The following SNTG1 variants were observed in gnomAD, a reference collection of about 807,000 sequenced individuals.
SNTG1 encodes the protein syntrophin gamma 1, also known as gamma-1-syntrophin.
A neutral mutation model predicts 74.7 loss-of-function variants in SNTG1; 39 were observed. That is an observed-to-expected ratio of 0.52 (90% CI 0.40 to 0.68). SNTG1 has a LOEUF of 0.68. SNTG1 is among the 30% of genes least tolerant of loss of function. The probability of loss-of-function intolerance (pLI) is 0.00; values close to 1 mark genes in which losing one functional copy is unlikely to be tolerated. For synonymous variants in SNTG1, 254 were observed against 217.1 expected, an observed-to-expected ratio of 1.17 and a Z score of -1.49; for missense variants, 685 against 609.5, an observed-to-expected ratio of 1.12 and a Z score of -1.30.
intron 10 of SNTG1, 75 bp from the exon 11 acceptor site, chr8:50,536,603 A>T (rs1018026810): frequency 2.0e-6 from 3 of 1,533,302 alleles, no homozygotes; most frequent in Non-Finnish European, 2.7e-6. Flanking sequence ...TATCCCCCAG[A>T]TAAAAGGGGT....
At chr8:50,265,173 C>T (rs1221094313) in intron 2 of SNTG1, among the ~76,000 whole-genome samples, 1 of 151,954 alleles carries the variant, frequency 6.6e-6, no homozygotes, top group Non-Finnish European at 1.5e-5. Context: ...AAAAAGACAA[C>T]ACAAAGAAAT....
intron 2 of SNTG1, among the ~76,000 whole-genome samples, chr8:50,337,276 C>G (rs146715469): frequency 1.3e-5 from 2 of 152,296 alleles, no homozygotes; most frequent in Non-Finnish European, 2.9e-5. Context: ...TTACTAGGAG[C>G]AGAAACCATC....
At chr8:50,636,821 T>C (rs1049811915) in intron 13 of SNTG1, among the ~76,000 whole-genome samples, 4 of 152,214 alleles carry the variant, frequency 2.6e-5, no homozygotes, top group Admixed American at 6.5e-5. Context: ...GGGCAATCAA[T>C]GGAAGCTGCT....
chr8:50,725,076 T>G (rs890491929), intron 17 of SNTG1, among the ~76,000 whole-genome samples: 1 of 152,172 alleles, frequency 6.6e-6, no homozygotes, highest in African/African-American at 2.4e-5. Context: ...ATGAGTATAT[T>G]TCATTTATAT....
At chr8:50,313,120 A>G (rs1406920731) in intron 2 of SNTG1, among the ~76,000 whole-genome samples, 1 of 149,962 alleles carries the variant, frequency 6.7e-6, no homozygotes, top group Non-Finnish European at 1.5e-5. Flanking sequence ...CTGCAAAAGA[A>G]TGGCACTGGA....
intron 2 of SNTG1, among the ~76,000 whole-genome samples, chr8:50,292,203 G>A (rs2089150121): frequency 6.6e-6 from 1 of 152,234 alleles, no homozygotes; most frequent in African/African-American, 2.4e-5. Flanking sequence ...TGCAGAGGGA[G>A]GAAACAAGCC....
chr8:50,282,350 G>A (rs1349767722), intron 2 of SNTG1, among the ~76,000 whole-genome samples: 3 of 149,012 alleles, frequency 2.0e-5, no homozygotes, highest in African/African-American at 2.4e-5. Context: ...CCCCTCTCAC[G>A]TTTATTCTCC....
chr8:50,618,581 AAGCTT>A (rs1174006781), intron 13 of SNTG1, among the ~76,000 whole-genome samples: 3 of 152,210 alleles, frequency 2.0e-5, no homozygotes, highest in African/African-American at 4.8e-5. Context: ...CTGAAAAACT[AAGCTT>A]GTTTCACAAG....
intron 1 of SNTG1, among the ~76,000 whole-genome samples, chr8:49,985,220 G>A (rs1813044313): frequency 6.6e-6 from 1 of 152,016 alleles, no homozygotes; most frequent in South Asian, 2.1e-4. Flanking sequence ...CGCCCAGGCT[G>A]GAGTGTAGTG....
intron 2 of SNTG1, among the ~76,000 whole-genome samples, chr8:50,240,066 G>C (rs2086100597): frequency 6.6e-6 from 1 of 152,170 alleles, no homozygotes; most frequent in South Asian, 2.1e-4. Context: ...TAATGCTAAA[G>C]ATATTGGGGT....
intron 1 of SNTG1, among the ~76,000 whole-genome samples, chr8:50,094,906 C>T (rs933644788): frequency 6.6e-6 from 1 of 152,124 alleles, no homozygotes; most frequent in South Asian, 2.1e-4. Context: ...TGGAATCAGC[C>T]TATCTGCCCA....
chr8:50,099,000 A>C (rs2131215472), intron 1 of SNTG1, among the ~76,000 whole-genome samples: 1 of 152,234 alleles, frequency 6.6e-6, no homozygotes, highest in East Asian at 1.9e-4. Context: ...ATCCATCTAG[A>C]GGTTACAGAA....
At chr8:49,939,328 C>T (rs1196715487) in intron 1 of SNTG1, among the ~76,000 whole-genome samples, 8 of 151,900 alleles carry the variant, frequency 5.3e-5, no homozygotes, top group Non-Finnish European at 1.0e-4. Flanking sequence ...AACCATTAGG[C>T]CCTCATCTAT....
At chr8:50,186,543 T>A (rs1441539442) in intron 2 of SNTG1, among the ~76,000 whole-genome samples, 1 of 152,122 alleles carries the variant, frequency 6.6e-6, no homozygotes, top group African/African-American at 2.4e-5. Flanking sequence ...ATATTGTTTC[T>A]TGACTTTTTA....
chr8:50,280,234 T>C (rs2088362559), intron 2 of SNTG1, among the ~76,000 whole-genome samples: 1 of 152,360 alleles, frequency 6.6e-6, no homozygotes, highest in South Asian at 2.1e-4. Context: ...TCATAATTTG[T>C]TGAAGAGGCA....
At chr8:49,972,479 T>C (rs370590519) in intron 1 of SNTG1, among the ~76,000 whole-genome samples, 4 of 151,940 alleles carry the variant, frequency 2.6e-5, no homozygotes, top group Non-Finnish European at 5.9e-5. Flanking sequence ...GTCTAAAACA[T>C]CAAAAGCAAT....
intron 2 of SNTG1, among the ~76,000 whole-genome samples, chr8:50,374,830 T>C: frequency 6.6e-6 from 1 of 151,970 alleles, no homozygotes; most frequent in African/African-American, 2.4e-5. Context: ...AATTTGATCC[T>C]TTTTTTTAGA....
chr8:50,524,374 A>G (rs2094203705), intron 9 of SNTG1, among the ~76,000 whole-genome samples: 1 of 152,080 alleles, frequency 6.6e-6, no homozygotes, highest in Non-Finnish European at 1.5e-5. Context: ...GGACAAATAT[A>G]CTTGTTAAAT....
chr8:49,924,511 A>G (rs1024311621), intron 1 of SNTG1, among the ~76,000 whole-genome samples: 5 of 152,148 alleles, frequency 3.3e-5, no homozygotes, highest in African/African-American at 9.7e-5. Flanking sequence ...TCCAGAAGTG[A>G]GCAGAGCCGG....
Sources: allele counts gnomAD v4.1 joint callset (sites outside exome capture counted in the v4.1 genomes callset), GRCh38; gene constraint gnomAD v4.1.1; transcripts MANE v1.5; gene names NCBI Gene and HGNC (gene_info 2026-07-23, HGNC 2026-07-21).